TPTE: variants seen among roughly 807,000 people sequenced by gnomAD.
TPTE encodes transmembrane phosphatase with tensin homology, also known as putative tyrosine-protein phosphatase TPTE.
TPTE carries 59 observed loss-of-function variants against 84.1 expected under a neutral mutation model. The observed-to-expected ratio is 0.70, with a 90% confidence interval of 0.57 to 0.87. TPTE has a LOEUF of 0.87. Ranked by LOEUF, TPTE falls within the 40% of genes least tolerant of loss-of-function variation. The pLI is 0.00. For missense variants in TPTE, 382 were observed against 659.6 expected (o/e 0.58, Z 4.61); for synonymous variants, 130 against 223.5 (o/e 0.58, Z 3.73).
chr21:10,557,693 TC>T (rs1464070746), intron 8 of TPTE, among the ~76,000 whole-genome samples: 57 of 152,392 alleles, frequency 3.7e-4, no homozygotes, highest in African/African-American at 1.3e-3. Context: ...ATTGGGGATT[TC>T]TTTTATCTCA....
chr21:10,600,085 A>G (rs1471046354), intron 21 of TPTE, among the ~76,000 whole-genome samples: 1 of 152,106 alleles, frequency 6.6e-6, no homozygotes, highest in Non-Finnish European at 1.5e-5. Flanking sequence ...GATTATAAAC[A>G]TGAGCCACGC....
chr21:10,583,164 T>C (rs1156427419), intron 17 of TPTE, among the ~76,000 whole-genome samples: 1 of 152,308 alleles, frequency 6.6e-6, no homozygotes, highest in Non-Finnish European at 1.5e-5. Context: ...TAATGTCACC[T>C]GTTTTCTAAA....
chr21:10,525,549 G>A (rs1209161318), intron 2 of TPTE, among the ~76,000 whole-genome samples: 2 of 152,310 alleles, frequency 1.3e-5, no homozygotes, highest in Non-Finnish European at 2.9e-5. Flanking sequence ...ATATCTGTAT[G>A]TGTGGCAGAT....
chr21:10,540,148 C>CT (rs1175765841), intron 4 of TPTE, among the ~76,000 whole-genome samples: 4 of 152,306 alleles, frequency 2.6e-5, no homozygotes, highest in Non-Finnish European at 4.4e-5. Flanking sequence ...TGGCACGGCC[C>CT]TGTGTGTGAA....
intron 1 of TPTE, among the ~76,000 whole-genome samples, chr21:10,523,133 C>T (rs952071322): frequency 1.3e-5 from 2 of 152,306 alleles, no homozygotes; most frequent in Non-Finnish European, 1.5e-5. Flanking sequence ...TAAACTTCTT[C>T]ATCAGAGTAA....
intron 17 of TPTE, among the ~76,000 whole-genome samples, chr21:10,580,549 T>A (rs1422218407): frequency 3.3e-5 from 5 of 152,308 alleles, no homozygotes; most frequent in African/African-American, 1.2e-4. Context: ...TAGGTTGCAA[T>A]TTCATTTTTC....
intron 17 of TPTE, among the ~76,000 whole-genome samples, chr21:10,584,581 C>G (rs462788): frequency 6.6e-6 from 1 of 151,338 alleles, no homozygotes; most frequent in Non-Finnish European, 1.5e-5. Flanking sequence ...TCAAGTGATC[C>G]GCCAGCCTCA....
intron 22 of TPTE, chr21:10,602,901 G>A (rs210501): frequency 0.06 from 28,661 of 475,114 alleles, 2 homozygotes; most frequent in African/African-American, 0.24. Context: ...GGTTTCCTGC[G>A]GGGAGGTCTA....
chr21:10,563,193 T>G (rs1005887108), intron 10 of TPTE, among the ~76,000 whole-genome samples: 3 of 152,300 alleles, frequency 2.0e-5, no homozygotes, highest in African/African-American at 7.2e-5. Flanking sequence ...AAATAAAGAC[T>G]TTTCCACACA....
intron 3 of TPTE, among the ~76,000 whole-genome samples, chr21:10,532,963 T>C (rs2074204858): frequency 6.6e-6 from 1 of 152,308 alleles, no homozygotes; most frequent in African/African-American, 2.4e-5. Flanking sequence ...TCTCTTTGTC[T>C]CCATTAGATA....
intron 7 of TPTE, among the ~76,000 whole-genome samples, chr21:10,545,632 A>G (rs8129392): frequency 0.09 from 13,203 of 146,482 alleles, 5 homozygotes; most frequent in African/African-American, 0.22. Flanking sequence ...TAAAGGATCT[A>G]TCTACACACA....
intron 17 of TPTE, among the ~76,000 whole-genome samples, chr21:10,580,757 G>A (rs1320351666): frequency 6.9e-4 from 105 of 152,256 alleles, no homozygotes; most frequent in Non-Finnish European, 1.2e-3. Flanking sequence ...AACTTTGTGA[G>A]AACCTTTTAG....
chr21:10,527,201 A>C (rs1279447038), intron 2 of TPTE, among the ~76,000 whole-genome samples, 154 bp from the exon 3 acceptor site: 11 of 152,224 alleles, frequency 7.2e-5, no homozygotes, highest in African/African-American at 2.7e-4. Context: ...TCTCAGAAGT[A>C]CTAGTGCTGT....
Position 10,552,637 on chromosome 21 carries a change from T to C in TPTE, c.174-20T>C, listed in dbSNP as rs758353585. 24 of 1,068,038 alleles carry C rather than the reference T, an allele frequency of 2.2e-5. No homozygotes were observed. Among genetic ancestry groups the C allele is most frequent in the Non-Finnish European group, 2.8e-5 (22 of 780,950 alleles). The allele number at this position is 1,068,038 out of a possible 1,614,324, so 66.2% of individuals were successfully genotyped here. A position where few individuals can be genotyped will look rare whatever the true frequency, so the allele number is the denominator to read the frequency against. On this transcript the variant is annotated intron_variant, in intron 7 of 23. Transcript: ENST00000618007. ...CAAATATCTAATGATATATTTTTGC[T>C]TTTTTTTTGGTGGCTAAAGTGTGTT...
intron 3 of TPTE, among the ~76,000 whole-genome samples, chr21:10,537,571 A>G (rs367614990): frequency 1.1e-3 from 168 of 152,322 alleles, no homozygotes; most frequent in African/African-American, 3.7e-3. Context: ...CCAGCTACTC[A>G]GGAGGCTGAG....
At position 10,542,463 on chromosome 21, in the gene TPTE, G is replaced by T. The variant is rs1398467245; in HGVS notation, c.119+15G>T. ...GCGAAAGAAAGGTGAGCAATAAATA[G>T]TTAAAGTCACCCGTCAGCATAAGTG... is the stretch of plus-strand genomic sequence containing the variant. On this transcript the variant is annotated intron_variant, in intron 6 of 23. Transcript: ENST00000618007. The T allele has an allele frequency of 2.5e-6, 4 of 1,609,386 alleles. No individual in the cohort carries two copies. In the South Asian group the frequency reaches 4.4e-5, roughly 18 times the overall value.
chr21:10,604,411 T>C (rs1331699755), intron 23 of TPTE, among the ~76,000 whole-genome samples: 1 of 152,312 alleles, frequency 6.6e-6, no homozygotes, highest in African/African-American at 2.4e-5. Context: ...AAGAAGTGGC[T>C]ATGATTATAT....
At chr21:10,576,271 A>T (rs2075147348) in intron 14 of TPTE, 1 of 202,860 alleles carries the variant, frequency 4.9e-6, no homozygotes, top group African/African-American at 2.3e-5. Flanking sequence ...AGTGCCAGTG[A>T]TGAAAGAGAG....
At chr21:10,529,061 G>C (rs2074131827) in intron 3 of TPTE, among the ~76,000 whole-genome samples, 1 of 152,304 alleles carries the variant, frequency 6.6e-6, no homozygotes, top group Non-Finnish European at 1.5e-5. Flanking sequence ...GTGCATGCCT[G>C]CAGTCCCAGC....
Sources: allele counts gnomAD v4.1 joint callset (sites outside exome capture counted in the v4.1 genomes callset), GRCh38; gene constraint gnomAD v4.1.1; transcripts MANE v1.5; gene names NCBI Gene and HGNC (gene_info 2026-07-23, HGNC 2026-07-21).